The following SPTLC3 variants were observed in gnomAD, a reference collection of about 807,000 sequenced individuals.
SPTLC3 encodes the protein serine palmitoyltransferase long chain base subunit 3.
Under a neutral mutation model 59.3 loss-of-function variants are expected in SPTLC3, and 36 were observed. The observed-to-expected ratio is 0.61, with a 90% CI of 0.47 to 0.80. The LOEUF (loss-of-function observed/expected upper bound fraction) is 0.80, where lower values mean the gene tolerates loss of function less well. Among genes scored for constraint, SPTLC3 ranks in the 30% least tolerant of loss-of-function variants. SPTLC3 has a pLI of 0.00. For missense variants in SPTLC3, 625 were observed against 685.1 expected (o/e 0.91, Z 0.98); for synonymous variants, 257 against 240.8 (o/e 1.07, Z -0.62).
Position 13,126,696 on chromosome 20 carries a change from G to A in SPTLC3, c.1258G>A (p.Gly420Arg). 1 of 1,613,912 alleles carries A rather than the reference G, an allele frequency of 6.2e-7. No individual in the cohort carries two copies. The highest frequency in any genetic ancestry group is 8.5e-7 in the Non-Finnish European group (1 of 1,179,910). Residue 420 changes from glycine (G) to arginine (R), a missense_variant, in exon 9 of 12, where the codon GGA becomes AGA. Transcript: ENST00000399002. ...CATCAGATCACTAAAACTTATCATG[G>A]GACTGGATGGGACCACTCAAGGTAA... ...QIIRSLKLIM[G>R]LDGTTQGLQR...
At chr20:13,068,547 A>G (rs1988316686) in intron 2 of SPTLC3, among the ~76,000 whole-genome samples, 1 of 152,178 alleles carries the variant, frequency 6.6e-6, no homozygotes, top group South Asian at 2.1e-4. Context: ...TGGAGTGGAA[A>G]TACACACAGA....
At chr20:13,043,303 G>A (rs1003378889) in intron 1 of SPTLC3, among the ~76,000 whole-genome samples, 9 of 152,102 alleles carry the variant, frequency 5.9e-5, no homozygotes, top group African/African-American at 2.2e-4. Context: ...TCCTGCCCTT[G>A]TAGATCAACT....
At chr20:13,013,468 G>A (rs1034217921) in intron 1 of SPTLC3, among the ~76,000 whole-genome samples, 1 of 152,154 alleles carries the variant, frequency 6.6e-6, no homozygotes, top group Non-Finnish European at 1.5e-5. Context: ...AAAAGTTTTG[G>A]AAATCCCTTT....
chr20:13,012,812 T>A (rs1985324045), intron 1 of SPTLC3, among the ~76,000 whole-genome samples: 1 of 152,172 alleles, frequency 6.6e-6, no homozygotes, highest in Non-Finnish European at 1.5e-5. Flanking sequence ...CAGTTCCTTT[T>A]TCAGTATGTT....
intron 10 of SPTLC3, among the ~76,000 whole-genome samples, chr20:13,154,729 G>A (rs1175054661): frequency 6.6e-6 from 1 of 152,082 alleles, no homozygotes; most frequent in Non-Finnish European, 1.5e-5. Flanking sequence ...CCTGTTTGGG[G>A]GTTGTTTACT....
At chr20:13,135,657 A>G (rs1318722281) in intron 9 of SPTLC3, among the ~76,000 whole-genome samples, 1 of 152,250 alleles carries the variant, frequency 6.6e-6, no homozygotes, top group Non-Finnish European at 1.5e-5. Context: ...ATATTTTAGA[A>G]TTTTTGTGTA....
chr20:13,021,239 C>T (rs1327965033), intron 1 of SPTLC3, among the ~76,000 whole-genome samples: 1 of 152,176 alleles, frequency 6.6e-6, no homozygotes, highest in Non-Finnish European at 1.5e-5. Flanking sequence ...TCCTCCTCCT[C>T]TCTTTGACCT....
Position 13,117,626 on chromosome 20 carries a change from C to T in SPTLC3, c.1053C>T (p.Val351=). Residue 351 remains valine (V), a synonymous_variant, in exon 8 of 12, where the codon GTC becomes GTT. Transcript: ENST00000399002. ...IGAVGPTGRG[V]TEFFGLDPHE... The stretch of plus-strand genomic sequence containing the variant: ...CCGTGGGCCCAACCGGCCGGGGTGT[C>T]ACGGAGTTCTTTGGACTAGACCCTC... 1.2e-6 allele frequency: 2 copies of T among 1,614,076 alleles called. No individual in the cohort carries two copies. The highest frequency in any genetic ancestry group is 1.7e-6 in the Non-Finnish European group (2 of 1,179,960).
intron 1 of SPTLC3, among the ~76,000 whole-genome samples, chr20:13,043,662 A>G (rs1033166599): frequency 2.6e-5 from 4 of 152,084 alleles, no homozygotes; most frequent in Non-Finnish European, 5.9e-5. Context: ...TCTTACCTTT[A>G]TCTACAATTA....
At chr20:13,079,184 A>G (rs946235730) in intron 4 of SPTLC3, among the ~76,000 whole-genome samples, 6 of 152,324 alleles carry the variant, frequency 3.9e-5, no homozygotes, top group Non-Finnish European at 7.3e-5. Context: ...TATTGTAATT[A>G]TATTAATTCT....
At position 13,019,891 on chromosome 20, in the gene SPTLC3, T is replaced by C. The variant is rs76897313; in HGVS notation, c.117+10507T>C. Among the ~76,000 whole-genome samples, 522 of 152,326 alleles carry C rather than the reference T, an allele frequency of 3.4e-3. 13 individuals are homozygous for C. Among genetic ancestry groups the C allele is most frequent in the East Asian group, 0.024 (125 of 5,192 alleles). ...TTGTCTGTCTTGTGGTTGTGAGTCT[T>C]TTGGAGTTCAAGGATTCCTTTGAGA... On this transcript the variant is annotated intron_variant, in intron 1 of 11. Coordinates refer to ENST00000399002, the MANE Select transcript of SPTLC3 (RefSeq NM_018327.4).
chr20:13,117,518 C>T lies in SPTLC3; in HGVS notation c.945C>T (p.Ser315=). 2 of 1,594,078 alleles carry T rather than the reference C, an allele frequency of 1.3e-6. No homozygotes were observed. Among genetic ancestry groups the T allele is most frequent in the Middle Eastern group, 1.7e-4 (1 of 5,932 alleles). The change falls in exon 8 of 12, where the codon TCC becomes TCT. Residue 315 remains serine (S), a synonymous_variant. Coordinates refer to ENST00000399002, the MANE Select transcript of SPTLC3 (RefSeq NM_018327.4). ...CCTTCTGCCCTAGCATGGAAGGTTCCATCGTGCATCTGCCCCAGATCATAG... is the reference window on the plus strand; with the variant it reads ...CCTTCTGCCCTAGCATGGAAGGTTCTATCGTGCATCTGCCCCAGATCATAG... ...LVEGVYSMEG[S]IVHLPQIIAL... is the part of the protein sequence containing the mutation.
chr20:13,017,036 C>A (rs538763903), intron 1 of SPTLC3, among the ~76,000 whole-genome samples: 2 of 152,276 alleles, frequency 1.3e-5, no homozygotes, highest in African/African-American at 4.8e-5. Context: ...AAGTTCTTAT[C>A]CTTTAGTCCA....
chr20:13,067,899 G>C (rs994774499), intron 2 of SPTLC3, among the ~76,000 whole-genome samples: 10 of 152,208 alleles, frequency 6.6e-5, no homozygotes, highest in African/African-American at 2.4e-5. Flanking sequence ...GTTTGATAAA[G>C]ATTCTTTCTC....
intron 1 of SPTLC3, among the ~76,000 whole-genome samples, chr20:13,014,990 C>A (rs1429160194): frequency 6.6e-6 from 1 of 151,980 alleles, no homozygotes; most frequent in Non-Finnish European, 1.5e-5. Flanking sequence ...TCTTTTATAA[C>A]CATTTATATG....
chr20:13,151,248 C>G (rs538209723), intron 9 of SPTLC3, among the ~76,000 whole-genome samples: 2 of 152,212 alleles, frequency 1.3e-5, no homozygotes, highest in Non-Finnish European at 2.9e-5. Flanking sequence ...CTACCATCCT[C>G]TCTAAATTTT....
intron 6 of SPTLC3, among the ~76,000 whole-genome samples, chr20:13,108,858 T>C (rs1990062092): frequency 6.6e-6 from 1 of 152,232 alleles, no homozygotes; most frequent in Admixed American, 6.5e-5. Context: ...GTGTTTCTAA[T>C]GCCTGGTGAA....
At chr20:13,015,910 G>A (rs1464364873) in intron 1 of SPTLC3, among the ~76,000 whole-genome samples, 1 of 151,952 alleles carries the variant, frequency 6.6e-6, no homozygotes, top group Non-Finnish European at 1.5e-5. Context: ...CCATAAAACA[G>A]GAGGTCAACA....
At chr20:13,136,191 G>C (rs1288634326) in intron 9 of SPTLC3, among the ~76,000 whole-genome samples, 3 of 152,126 alleles carry the variant, frequency 2.0e-5, no homozygotes, top group African/African-American at 7.2e-5. Context: ...TAAGGCAGGG[G>C]AGGGGACAAT....
Sources: gnomAD v4.1 joint callset for allele counts (sites outside exome capture counted in the v4.1 genomes callset) on GRCh38, gnomAD v4.1.1 for gene constraint, MANE v1.5 for transcripts, NCBI Gene and HGNC (gene_info 2026-07-23, HGNC 2026-07-21) for gene names.